Variants in EXOC6 observed in about 807,000 individuals in gnomAD.
EXOC6 encodes the protein exocyst complex component 6.
A neutral mutation model predicts 112.5 loss-of-function variants in EXOC6; 60 were observed. The ratio of observed to expected loss-of-function variants is 0.53; its 90% confidence interval spans 0.43 to 0.66. The LOEUF (loss-of-function observed/expected upper bound fraction) is 0.66, where lower values mean the gene tolerates loss of function less well. Among genes scored for constraint, EXOC6 ranks in the 30% least tolerant of loss-of-function variants. The pLI is 0.00. For synonymous variants in EXOC6, 295 were observed against 308.0 expected (o/e 0.96, Z 0.44); for missense variants, 855 against 957.1 (o/e 0.89, Z 1.41).
In EXOC6 at chr10:93,058,578, TA is replaced by T. The variant is rs1399076705; in HGVS notation, c.*224del. 1 of 352,046 alleles carries T rather than the reference TA, an allele frequency of 2.8e-6. No homozygotes were observed. Among genetic ancestry groups the T allele is most frequent in the Non-Finnish European group, 5.0e-6 (1 of 198,952 alleles). The allele number at this position is 352,046 out of a possible 1,614,324, so 21.8% of individuals were successfully genotyped here. On this transcript the variant is annotated 3_prime_UTR_variant, in exon 22 of 22. Transcript: ENST00000260762. The stretch of plus-strand genomic sequence containing the variant: ...AAAAAAATGACCATTTTTTCACTTT[TA>T]GGGGAAAATGCAAAAGTGTAATACA...
intron 5 of EXOC6, among the ~76,000 whole-genome samples, chr10:92,906,053 T>G (rs935837137): frequency 2.6e-5 from 4 of 152,188 alleles, no homozygotes; most frequent in African/African-American, 9.6e-5. Context: ...AGGATTGCTG[T>G]GTCTTCTTGG....
intron 8 of EXOC6, among the ~76,000 whole-genome samples, chr10:92,921,245 CTTTTTT>C (rs11443044): frequency 8.6e-6 from 1 of 115,770 alleles, no homozygotes; most frequent in African/African-American, 3.5e-5. Flanking sequence ...TTGTCATTTC[CTTTTTT>C]TTTTTTTTTT....
chr10:92,964,940 G>A (rs1378592199), intron 17 of EXOC6, among the ~76,000 whole-genome samples: 6 of 152,096 alleles, frequency 3.9e-5, no homozygotes, highest in South Asian at 4.2e-4. Context: ...ACCTCACATC[G>A]TCATGTCCTG....
chr10:92,960,853 C>T (rs1853954347), intron 17 of EXOC6, among the ~76,000 whole-genome samples: 1 of 152,086 alleles, frequency 6.6e-6, no homozygotes, highest in Non-Finnish European at 1.5e-5. Context: ...TTGTATGTAG[C>T]TGTAGTTTAT....
intron 20 of EXOC6, among the ~76,000 whole-genome samples, chr10:93,038,005 A>C (rs919221954): frequency 7.3e-6 from 1 of 137,612 alleles, no homozygotes; most frequent in Non-Finnish European, 1.5e-5. Flanking sequence ...GCGCCACTGC[A>C]CTCCAGCCTG....
At chr10:92,963,339 C>A (rs1234861991) in intron 17 of EXOC6, among the ~76,000 whole-genome samples, 1 of 152,102 alleles carries the variant, frequency 6.6e-6, no homozygotes, top group East Asian at 1.9e-4. Context: ...CTTGCATTAT[C>A]TAACTCTCTA....
intron 14 of EXOC6, among the ~76,000 whole-genome samples, chr10:92,950,431 A>G (rs992505837): frequency 1.3e-5 from 2 of 152,202 alleles, no homozygotes; most frequent in Non-Finnish European, 2.9e-5. Flanking sequence ...TGCCTTTAAT[A>G]TCATTAAAAT....
intron 5 of EXOC6, among the ~76,000 whole-genome samples, chr10:92,902,985 G>C (rs984911399): frequency 1.3e-5 from 2 of 152,030 alleles, no homozygotes; most frequent in Non-Finnish European, 2.9e-5. Context: ...TTATGAATAA[G>C]ACTGCCATGA....
chr10:93,051,751 A>C (rs1252330982), intron 20 of EXOC6, among the ~76,000 whole-genome samples: 1 of 152,218 alleles, frequency 6.6e-6, no homozygotes, highest in Non-Finnish European at 1.5e-5. Context: ...CAAATTACTC[A>C]GGATTTGTTA....
chr10:92,934,494 A>G (rs1852239301), intron 11 of EXOC6, 64 bp downstream of exon 11: 1 of 1,374,738 alleles, frequency 7.3e-7, no homozygotes, highest in Middle Eastern at 1.9e-4. Context: ...TCTGAGCTGC[A>G]TAATGTCAGA....
At chr10:92,862,820 C>T (rs969247930) in intron 1 of EXOC6, among the ~76,000 whole-genome samples, 1 of 152,150 alleles carries the variant, frequency 6.6e-6, no homozygotes, top group Non-Finnish European at 1.5e-5. Context: ...TGAGAATATG[C>T]TGCTATGAAC....
intron 17 of EXOC6, among the ~76,000 whole-genome samples, chr10:92,957,377 C>A (rs1005150042): frequency 6.6e-6 from 1 of 152,114 alleles, no homozygotes; most frequent in Non-Finnish European, 1.5e-5. Context: ...CGGTCATAAG[C>A]CAGAGAACCA....
Position 92,834,755 on chromosome 10 carries a change from CAG to C in EXOC6, c.19_20del (p.Asp7SerfsTer4). 6.2e-7 allele frequency: 1 copy of C among 1,608,806 alleles called. No individual in the cohort carries two copies. Among genetic ancestry groups the C allele is most frequent in the Non-Finnish European group, 8.5e-7 (1 of 1,176,854 alleles). On this transcript the variant is annotated frameshift_variant, in exon 1 of 22. Transcript: ENST00000371552. LOFTEE classifies it high-confidence loss of function. ...TGTCGAGCGATGTTGGAAGAAGAAA[CAG>C]ATCAAACCTATGAGAATGTCCTGGC... is the stretch of plus-strand genomic sequence containing the variant.
At position 92,938,024 on chromosome 10, in the gene EXOC6, A is replaced by G. The variant is rs548694899; in HGVS notation, c.1212+2139A>G. 3.9e-5 allele frequency among the ~76,000 whole-genome samples: 6 copies of G among 152,266 alleles called. No individual in the cohort carries two copies. The South Asian group carries it at 6.2e-4, about 16-fold the overall frequency. On this transcript the variant is annotated intron_variant, in intron 12 of 21. Coordinates refer to ENST00000260762, the MANE Select transcript of EXOC6 (RefSeq NM_019053.6). Reference sequence around the variant, plus strand: ...TTGCTACAAGCAAGACTTTTTTTCAATATAGGTAGCAGCATCAATTTGTAT... The same window carrying G: ...TTGCTACAAGCAAGACTTTTTTTCAGTATAGGTAGCAGCATCAATTTGTAT...
At chr10:92,846,180 C>T (rs1326870938), upstream of EXOC6, among the ~76,000 whole-genome samples, 1 of 152,226 alleles carries the variant, frequency 6.6e-6, no homozygotes, top group Non-Finnish European at 1.5e-5. Context: ...TGAAACAGGG[C>T]TGGCCTGAGG....
chr10:92,920,152 A>G lies in EXOC6; in HGVS notation c.888+102A>G, dbSNP rs78605384. 8.8e-4 allele frequency: 585 copies of G among 667,332 alleles called. 2 individuals are homozygous for G. In the African/African-American group the frequency reaches 1.0e-2, roughly 11 times the overall value. The allele number at this position is 667,332 out of a possible 1,614,324, so 41.3% of individuals were successfully genotyped here. A position where few individuals can be genotyped will look rare whatever the true frequency, so the allele number is the denominator to read the frequency against. ...TTGATCATATGCTGTAAATCTTCAC[A>G]TAATTCTTTGTGAAATATCCACTCT... On this transcript the variant is annotated intron_variant, in intron 8 of 21. Coordinates refer to ENST00000260762, the MANE Select transcript of EXOC6 (RefSeq NM_019053.6).
At chr10:92,895,992 T>C (rs1218775043) in intron 4 of EXOC6, among the ~76,000 whole-genome samples, 1 of 144,832 alleles carries the variant, frequency 6.9e-6, no homozygotes, top group Non-Finnish European at 1.5e-5. Flanking sequence ...ATGAGATGTT[T>C]TATATTATAT....
chr10:93,034,844 T>C (rs758843625), intron 20 of EXOC6, among the ~76,000 whole-genome samples: 1 of 152,354 alleles, frequency 6.6e-6, no homozygotes, highest in Middle Eastern at 3.4e-3. Context: ...AACTTGCCCC[T>C]GTGACTACTT....
intron 17 of EXOC6, among the ~76,000 whole-genome samples, chr10:92,964,892 A>T (rs1435053010): frequency 6.6e-6 from 1 of 152,184 alleles, no homozygotes; most frequent in African/African-American, 2.4e-5. Context: ...AGGCTGTCTC[A>T]GTCTGGTAGC....
Sources: allele counts gnomAD v4.1 joint callset (sites outside exome capture counted in the v4.1 genomes callset), GRCh38; gene constraint gnomAD v4.1.1; transcripts MANE v1.5; gene names NCBI Gene and HGNC (gene_info 2026-07-23, HGNC 2026-07-21).